Variants in RAB31 observed in about 807,000 individuals in gnomAD.
RAB31 encodes RAB31, member RAS oncogene family, also known as ras-related protein Rab-31.
Under a neutral mutation model 25.6 loss-of-function variants are expected in RAB31, and 21 were observed. That is an observed-to-expected ratio of 0.82 (90% CI 0.58 to 1.18). The LOEUF is 1.18. RAB31 is among the 50% of genes most tolerant of loss of function. The probability of loss-of-function intolerance (pLI) is 0.00; values close to 1 mark genes in which losing one functional copy is unlikely to be tolerated. For missense variants in RAB31, 196 were observed against 250.1 expected (o/e 0.78, Z 1.46); for synonymous variants, 87 against 84.0 (o/e 1.04, Z -0.20).
intron 6 of RAB31, among the ~76,000 whole-genome samples, chr18:9,847,012 C>A (rs182161931): frequency 6.6e-6 from 1 of 152,300 alleles, no homozygotes; most frequent in East Asian, 1.9e-4. Flanking sequence ...AGGCTCCTTG[C>A]CCTGAATGGC....
At chr18:9,758,574 G>A (rs1259868490) in intron 1 of RAB31, among the ~76,000 whole-genome samples, 1 of 152,032 alleles carries the variant, frequency 6.6e-6, no homozygotes, top group Non-Finnish European at 1.5e-5. Context: ...ATGCGGGCAG[G>A]TGTCCCTGTG....
intron 2 of RAB31, among the ~76,000 whole-genome samples, chr18:9,783,266 G>C (rs994218490): frequency 1.3e-5 from 2 of 152,252 alleles, no homozygotes; most frequent in Middle Eastern, 3.4e-3. Context: ...AGGGCTTTAC[G>C]GGCTGGTTCA....
intron 3 of RAB31, among the ~76,000 whole-genome samples, chr18:9,796,239 A>C (rs1247536718): frequency 6.6e-6 from 1 of 152,120 alleles, no homozygotes; most frequent in East Asian, 1.9e-4. Context: ...AAAGGGTGGG[A>C]GTGGGGGTGA....
intron 3 of RAB31, among the ~76,000 whole-genome samples, chr18:9,803,496 G>A (rs369964089): frequency 1.3e-5 from 2 of 152,110 alleles, no homozygotes; most frequent in East Asian, 1.9e-4. Context: ...CTGAGATCCC[G>A]GCAAGGGAAA....
At chr18:9,830,641 C>T (rs946469733) in intron 5 of RAB31, 1 of 152,170 alleles carries the variant, frequency 6.6e-6, no homozygotes, top group Non-Finnish European at 1.5e-5. Flanking sequence ...GTTGTTTTTT[C>T]ATCATCAGAA....
At chr18:9,764,679 G>A (rs995956038) in intron 1 of RAB31, among the ~76,000 whole-genome samples, 1 of 152,046 alleles carries the variant, frequency 6.6e-6, no homozygotes, top group Admixed American at 6.6e-5. Flanking sequence ...CTGGTAGGAT[G>A]TTTTACATCT....
chr18:9,846,787 T>C (rs961979263), intron 6 of RAB31, among the ~76,000 whole-genome samples: 1 of 152,212 alleles, frequency 6.6e-6, no homozygotes, highest in African/African-American at 2.4e-5. Context: ...TTTGTTTATG[T>C]TGGCTTGATG....
intron 1 of RAB31, among the ~76,000 whole-genome samples, chr18:9,742,909 A>G (rs2145473270): frequency 6.6e-6 from 1 of 152,340 alleles, no homozygotes; most frequent in African/African-American, 2.4e-5. Context: ...TTTTTAAAAA[A>G]AATCCAGTCC....
intron 1 of RAB31, among the ~76,000 whole-genome samples, chr18:9,761,785 G>A (rs1274179184): frequency 6.6e-6 from 1 of 152,124 alleles, no homozygotes; most frequent in Non-Finnish European, 1.5e-5. Flanking sequence ...GAAAAAAGAG[G>A]GTCGCAAGCA....
chr18:9,718,139 C>G (rs1267103469), intron 1 of RAB31, among the ~76,000 whole-genome samples: 1 of 152,200 alleles, frequency 6.6e-6, no homozygotes, highest in Non-Finnish European at 1.5e-5. Flanking sequence ...TCAAGTGATC[C>G]ACCTGCCTCA....
chr18:9,787,713 G>A (rs1283997231), intron 2 of RAB31: 1 of 153,042 alleles, frequency 6.5e-6, no homozygotes, highest in East Asian at 1.9e-4. Flanking sequence ...ACCCTTCATC[G>A]TGAGTTCAAG....
chr18:9,750,911 A>G (rs1161162680), intron 1 of RAB31, among the ~76,000 whole-genome samples: 3 of 152,218 alleles, frequency 2.0e-5, no homozygotes, highest in African/African-American at 7.2e-5. Context: ...GTTGCTCCCC[A>G]GGGTCAAAAC....
At chr18:9,760,161 T>C (rs1325834434) in intron 1 of RAB31, among the ~76,000 whole-genome samples, 1 of 54,182 alleles carries the variant, frequency 1.8e-5, no homozygotes, top group Non-Finnish European at 4.6e-5. Context: ...CTCTTTCTTT[T>C]CTTTTTGTTT....
intron 1 of RAB31, among the ~76,000 whole-genome samples, chr18:9,721,565 G>A (rs1370243010): frequency 4.6e-5 from 7 of 151,618 alleles, no homozygotes; most frequent in Non-Finnish European, 1.0e-4. Flanking sequence ...GCAGTGAGCT[G>A]AGATTGCGCC....
intron 5 of RAB31, among the ~76,000 whole-genome samples, chr18:9,823,345 G>C (rs1186048907): frequency 6.6e-6 from 1 of 152,140 alleles, no homozygotes; most frequent in East Asian, 1.9e-4. Flanking sequence ...TCTCTGTGGT[G>C]GTGGACACAG....
At chr18:9,712,146 A>G (rs1307044525) in intron 1 of RAB31, among the ~76,000 whole-genome samples, 57 of 152,324 alleles carry the variant, frequency 3.7e-4, no homozygotes, top group East Asian at 1.9e-4. Flanking sequence ...GCTTATTTCT[A>G]TTGGTGAATG....
chr18:9,848,286 G>T (rs1462565728), intron 6 of RAB31, among the ~76,000 whole-genome samples: 1 of 151,702 alleles, frequency 6.6e-6, no homozygotes, highest in Non-Finnish European at 1.5e-5. Flanking sequence ...GTCTCTGTCT[G>T]TCCTTCTGTC....
chr18:9,843,360 C>T (rs1030987598), intron 5 of RAB31, among the ~76,000 whole-genome samples: 16 of 152,134 alleles, frequency 1.1e-4, no homozygotes, highest in South Asian at 2.1e-4. Flanking sequence ...GACTGGGCAA[C>T]GTGGCGAAAC....
intron 3 of RAB31, among the ~76,000 whole-genome samples, chr18:9,812,558 A>C (rs1355028366): frequency 1.1e-4 from 16 of 152,110 alleles, no homozygotes; most frequent in Admixed American, 8.5e-4. Context: ...TTCCGATTCT[A>C]ATTGAACATG....
Sources: gnomAD v4.1 joint callset for allele counts (sites outside exome capture counted in the v4.1 genomes callset) on GRCh38, gnomAD v4.1.1 for gene constraint, MANE v1.5 for transcripts, NCBI Gene and HGNC (gene_info 2026-07-23, HGNC 2026-07-21) for gene names.